SEMA4B: variants seen among roughly 807,000 people sequenced by gnomAD.
The protein encoded by SEMA4B is semaphorin 4B.
A neutral mutation model predicts 88.1 loss-of-function variants in SEMA4B; 55 were observed. The observed-to-expected ratio is 0.62, with a 90% CI of 0.50 to 0.78. The LOEUF (loss-of-function observed/expected upper bound fraction) is 0.78, where lower values mean the gene tolerates loss of function less well. Among genes scored for constraint, SEMA4B ranks in the 30% least tolerant of loss-of-function variants. The pLI, the probability that SEMA4B is intolerant of heterozygous loss-of-function variation, is 0.00. For synonymous variants in SEMA4B, 525 were observed against 473.6 expected (o/e 1.11, Z -1.41); for missense variants, 1,062 against 1,111.9 (o/e 0.96, Z 0.64).
rs1387336831 is a variant in SEMA4B at position 90,213,874 on chromosome 15, TCCTC to T, written c.158-3562_158-3559del. Among the ~76,000 whole-genome samples, 3 of 152,178 alleles carry T rather than the reference TCCTC, an allele frequency of 2.0e-5. No homozygotes were observed. The East Asian group carries it at 5.8e-4, about 29-fold the overall frequency. Reference sequence around the variant, plus strand: ...CTCCTGTGATCTTTATATGTCTCATTCCTCCCGTGACATGTATGAGAAACTGCAG... The same window carrying T: ...CTCCTGTGATCTTTATATGTCTCATTCCGTGACATGTATGAGAAACTGCAG... On this transcript the variant is annotated intron_variant, in intron 1 of 13. Coordinates refer to ENST00000411539, the MANE Select transcript of SEMA4B (RefSeq NM_198925.4).
chr15:90,186,515 AG>A (rs1403172769), intron 1 of SEMA4B, among the ~76,000 whole-genome samples: 31 of 152,228 alleles, frequency 2.0e-4, no homozygotes, highest in Admixed American at 1.9e-3. Context: ...GCGACTTGGG[AG>A]GCTGAGGCAG....
chr15:90,194,514 A>T (rs144800996), intron 1 of SEMA4B, among the ~76,000 whole-genome samples: 63 of 152,212 alleles, frequency 4.1e-4, no homozygotes, highest in African/African-American at 1.5e-3. Context: ...CCTGGGCAAC[A>T]AGAGTGAAAC....
At chr15:90,227,710 C>A in intron 13 of SEMA4B, 68 bp downstream of exon 13, 1 of 1,546,404 alleles carries the variant, frequency 6.5e-7, no homozygotes, top group Non-Finnish European at 8.9e-7. Flanking sequence ...CTCCCCCAGG[C>A]ACAGATGTTG....
In SEMA4B at chr15:90,223,797, C is replaced by A. The variant is rs778638668; in HGVS notation, c.1044-41C>A. 1.9e-6 allele frequency: 3 copies of A among 1,606,734 alleles called. 1 individual carries two copies. In the South Asian group the frequency reaches 3.3e-5, roughly 18 times the overall value. The stretch of plus-strand genomic sequence containing the variant: ...GGGTGAAGGGTGGCTGGGACTGGGG[C>A]CCCCAGGGCTCCTGGGTTAATCTGG... On this transcript the variant is annotated intron_variant, in intron 8 of 13. Transcript: ENST00000411539.
At chr15:90,218,058 A>C in intron 3 of SEMA4B, 4 of 487,292 alleles carry the variant, frequency 8.2e-6, no homozygotes, top group East Asian at 3.7e-5. Context: ...CACCTGTAAA[A>C]TGGGGATAAT....
chr15:90,226,721 C>T (rs1388157027), intron 12 of SEMA4B, among the ~76,000 whole-genome samples: 1 of 152,148 alleles, frequency 6.6e-6, no homozygotes, highest in Non-Finnish European at 1.5e-5. Context: ...CACCTGGTGT[C>T]AGTTTTTACA....
At position 90,217,547 on chromosome 15, in the gene SEMA4B, C is replaced by A. The variant is rs749608810; in HGVS notation, c.266C>A (p.Ala89Asp). 1 of 1,613,998 alleles carries A rather than the reference C, an allele frequency of 6.2e-7. No individual in the cohort carries two copies. The highest frequency in any genetic ancestry group is 1.3e-5 in the African/African-American group (1 of 75,028). Residue 89 changes from alanine (A) to aspartate (D), a missense_variant, in exon 2 of 14, where the codon GCC (alanine) becomes GAC (aspartate). Physicochemically the swap from Ala to Asp is moderately radical, Grantham distance 126 (BLOSUM62 -2). Transcript: ENST00000411539. ...ACCCTGTACGTGGGTGCTCGAGAGG[C>A]CCTCTTTGCACTCAGTAGCAACCTC... is the stretch of plus-strand genomic sequence containing the variant. ...GRTLYVGARE[A>D]LFALSSNLSF...
Position 90,201,523 on chromosome 15 carries a change from G to A in SEMA4B, c.-56G>A, listed in dbSNP as rs1001977779. 4 of 1,345,448 alleles carry A rather than the reference G, an allele frequency of 3.0e-6. No homozygotes were observed. Among genetic ancestry groups the A allele is most frequent in the African/African-American group, 3.1e-5 (2 of 65,210 alleles). 83.3% of individuals were successfully genotyped at this position (1,345,448 alleles called of 1,614,324 possible). ...CGCGGGGCGGAGCTGCCGCCCGTGA[G>A]TCCGGCCGAGCCACCTGAGCCCGAG... is the stretch of plus-strand genomic sequence containing the variant. On this transcript the variant is annotated 5_prime_UTR_variant, in exon 1 of 14. Coordinates refer to ENST00000411539, the MANE Select transcript of SEMA4B (RefSeq NM_198925.4).
chr15:90,198,338 C>T (rs1350605119), upstream of SEMA4B, among the ~76,000 whole-genome samples: 2 of 152,204 alleles, frequency 1.3e-5, no homozygotes. Context: ...CCAGTACTTA[C>T]TGAAGTCCTG....
chr15:90,223,288 A>G (rs1235447430), intron 7 of SEMA4B, among the ~76,000 whole-genome samples: 1 of 152,138 alleles, frequency 6.6e-6, no homozygotes, highest in Non-Finnish European at 1.5e-5. Flanking sequence ...GGAACATGGC[A>G]TTAGGCTATA....
intron 13 of SEMA4B, 61 bp downstream of exon 13, chr15:90,227,703 C>A: frequency 6.4e-7 from 1 of 1,555,690 alleles, no homozygotes; most frequent in South Asian, 1.1e-5. Context: ...TGGAAGGCTC[C>A]CCCAGGCACA....
rs761221893 is a variant in SEMA4B at position 90,229,151 on chromosome 15, C to T, written c.*508C>T. 11 of 370,128 alleles carry T rather than the reference C, an allele frequency of 3.0e-5. No homozygotes were observed. In the East Asian group the frequency reaches 5.3e-4, roughly 18 times the overall value. 22.9% of individuals were successfully genotyped at this position (370,128 alleles called of 1,614,324 possible). On this transcript the variant is annotated 3_prime_UTR_variant, in exon 14 of 14. Coordinates refer to ENST00000411539, the MANE Select transcript of SEMA4B (RefSeq NM_198925.4). ...GCAGATTCAGGACCAGCTTGGGCTG[C>T]GTGCGTTCTGCCTTGCCAGTCAGCC...
At position 90,212,490 on chromosome 15, in the gene SEMA4B, A is replaced by C. The variant is rs369437118; in HGVS notation, c.158-4949A>C. Among the ~76,000 whole-genome samples, 7 of 152,044 alleles carry C rather than the reference A, an allele frequency of 4.6e-5. No individual in the cohort carries two copies. Among genetic ancestry groups the C allele is most frequent in the East Asian group, 1.9e-4 (1 of 5,184 alleles). On this transcript the variant is annotated intron_variant, in intron 1 of 13. Transcript: ENST00000411539. This position sits in a 1 kb window ranked among gnomAD's most constrained non-coding sequence, Gnocchi z 4.0. ...GGCAGCCCAGGAGAGCGAGCGAGAC[A>C]CTCTTTGACACAAGGGAGAGCATAA...
At chr15:90,202,475 T>A (rs992410669) in intron 1 of SEMA4B, among the ~76,000 whole-genome samples, 2 of 152,210 alleles carry the variant, frequency 1.3e-5, no homozygotes, top group African/African-American at 2.4e-5. Flanking sequence ...TGTGGCCACC[T>A]CCTGTTTCAG....
chr15:90,227,805 C>T, intron 13 of SEMA4B, 99 bp from the exon 14 acceptor site: 2 of 1,558,432 alleles, frequency 1.3e-6, no homozygotes, highest in East Asian at 2.3e-5. Context: ...CCGGAGTTGC[C>T]CATCGTGGCA....
rs1323698322 is a variant in SEMA4B, at chr15:90,228,622, G to A, written c.2493G>A (p.Glu831=). 2 of 1,613,386 alleles carry A rather than the reference G, an allele frequency of 1.2e-6. No homozygotes were observed. Among genetic ancestry groups the A allele is most frequent in the Non-Finnish European group, 1.7e-6 (2 of 1,179,890 alleles). The stretch of plus-strand genomic sequence containing the variant: ...GGCCCCGGGTCCGCCTTGGCTCGGA[G>A]ATCCGTGACTCTGTGGTGTGAGAGC... ...CPRPRVRLGS[E]IRDSVV Residue 831 remains glutamate, a synonymous_variant, in exon 14 of 14, where the codon GAG becomes GAA. Transcript: ENST00000411539.
intron 1 of SEMA4B, chr15:90,190,609 C>T (rs1027523897): frequency 6.6e-5 from 10 of 152,270 alleles, no homozygotes; most frequent in Non-Finnish European, 1.3e-4. Context: ...TGGCCTGTTC[C>T]TTTTTCCCCT....
In SEMA4B at chr15:90,224,881, C is replaced by T. The variant is rs529747521; in HGVS notation, c.1195-87C>T. 94 of 1,120,216 alleles carry T rather than the reference C, an allele frequency of 8.4e-5. 1 individual carries two copies. Among genetic ancestry groups the T allele is most frequent in the East Asian group, 4.5e-4 (19 of 42,406 alleles). The allele number at this position is 1,120,216 out of a possible 1,614,324, so 69.4% of individuals were successfully genotyped here. On this transcript the variant is annotated intron_variant, in intron 9 of 13. Coordinates refer to ENST00000411539, the MANE Select transcript of SEMA4B (RefSeq NM_198925.4). ...TGGCTCCGGGCGGGGGGACAGACAC[C>T]GCTACTGTCCACTGGGGAAGCAGGG...
rs1272146820 is a variant in SEMA4B at position 90,220,204 on chromosome 15, GTCTTA to G, written c.483+318_483+322del. The G allele has an allele frequency of 1.6e-5, 5 of 310,666 alleles. No homozygotes were observed. The East Asian group carries it at 3.4e-4, about 21-fold the overall frequency. The allele number at this position is 310,666 out of a possible 1,614,324, so 19.2% of individuals were successfully genotyped here. A position where few individuals can be genotyped will look rare whatever the true frequency, so the allele number is the denominator to read the frequency against. On this transcript the variant is annotated intron_variant, in intron 4 of 13. Transcript: ENST00000411539. ...TCCCTCTCCTTTGCTTGATTCTCTT[GTCTTA>G]TCTTGTACACCCCCTCCTCAGCACA...
Sources: allele counts gnomAD v4.1 joint callset (sites outside exome capture counted in the v4.1 genomes callset), GRCh38; gene constraint gnomAD v4.1.1; non-coding constraint Gnocchi (gnomAD v3.1); transcripts MANE v1.5; gene names NCBI Gene and HGNC (gene_info 2026-07-23, HGNC 2026-07-21).